Variants in PTPRD observed in about 807,000 individuals in gnomAD.
PTPRD encodes the protein receptor-type tyrosine-protein phosphatase delta.
PTPRD carries 34 observed loss-of-function variants against 214.5 expected under a neutral mutation model. That is an observed-to-expected ratio of 0.16 (90% CI 0.12 to 0.21). The LOEUF (loss-of-function observed/expected upper bound fraction) is 0.21. Among genes scored for constraint, PTPRD ranks in the 10% least tolerant of loss-of-function variants. The pLI, the probability that PTPRD is intolerant of heterozygous loss-of-function variation, is 1.00. For missense variants in PTPRD, 2,545 were observed against 2,398.7 expected (o/e 1.06, Z -1.27); for synonymous variants, 1,128 against 845.7 (o/e 1.33, Z -5.79).
At chr9:9,985,954 G>A (rs1166361555) in intron 4 of PTPRD, among the ~76,000 whole-genome samples, 4 of 151,980 alleles carry the variant, frequency 2.6e-5, no homozygotes, top group Non-Finnish European at 5.9e-5. Flanking sequence ...AATAACTAAA[G>A]AAAATTCATT....
chr9:9,132,108 C>A (rs1045411130), intron 10 of PTPRD, among the ~76,000 whole-genome samples: 1 of 152,014 alleles, frequency 6.6e-6, no homozygotes, highest in Non-Finnish European at 1.5e-5. Flanking sequence ...CCCGGGTTCA[C>A]GCCGTTCTCC....
chr9:9,476,394 T>C (rs561906850), intron 8 of PTPRD, among the ~76,000 whole-genome samples: 15 of 152,228 alleles, frequency 9.9e-5, no homozygotes, highest in Non-Finnish European at 1.8e-4. Context: ...ATAAGGAATA[T>C]ATAAACAAAC....
chr9:9,795,945 T>C (rs2098999616), intron 5 of PTPRD, among the ~76,000 whole-genome samples: 1 of 152,146 alleles, frequency 6.6e-6, no homozygotes, highest in Non-Finnish European at 1.5e-5. Flanking sequence ...GGATTGTTTC[T>C]ATGTGAAGAA....
intron 7 of PTPRD, among the ~76,000 whole-genome samples, chr9:9,720,144 CAA>C (rs756406855): frequency 6.6e-6 from 1 of 152,114 alleles, no homozygotes; most frequent in Non-Finnish European, 1.5e-5. Context: ...TTCCAGCTGG[CAA>C]AGTGACATCC....
At chr9:9,260,253 C>T (rs572814243) in intron 9 of PTPRD, among the ~76,000 whole-genome samples, 2 of 151,826 alleles carry the variant, frequency 1.3e-5, no homozygotes, top group South Asian at 4.1e-4. Flanking sequence ...CAGCTAAAGC[C>T]CTGAACTTGA....
At chr9:9,671,457 G>T (rs2096830999) in intron 7 of PTPRD, among the ~76,000 whole-genome samples, 1 of 152,014 alleles carries the variant, frequency 6.6e-6, no homozygotes. Flanking sequence ...AAGTCTTTGG[G>T]GGACTGTTGG....
At chr9:9,080,492 C>T (rs1255253193) in intron 10 of PTPRD, among the ~76,000 whole-genome samples, 1 of 152,046 alleles carries the variant, frequency 6.6e-6, no homozygotes, top group South Asian at 2.1e-4. Context: ...GATATCCTAT[C>T]ATCTTATTAT....
At chr9:9,542,944 G>C (rs951883476) in intron 8 of PTPRD, among the ~76,000 whole-genome samples, 7 of 151,708 alleles carry the variant, frequency 4.6e-5, no homozygotes, top group African/African-American at 1.7e-4. Flanking sequence ...ACCCTACTCA[G>C]CGTTTTCTAG....
intron 10 of PTPRD, among the ~76,000 whole-genome samples, chr9:9,116,184 C>T (rs1256906052): frequency 6.6e-6 from 1 of 152,002 alleles, no homozygotes; most frequent in Non-Finnish European, 1.5e-5. Context: ...TAACAAACTG[C>T]TCATGTACTC....
intron 4 of PTPRD, among the ~76,000 whole-genome samples, chr9:9,978,104 A>ACACACACACACGCACACACACACG (rs145366920): frequency 6.6e-6 from 1 of 151,102 alleles, no homozygotes. Context: ...ATTAAAACAC[A>ACACACACACACGCACACACACACG]CACACACACA....
intron 3 of PTPRD, among the ~76,000 whole-genome samples, chr9:10,138,818 T>G (rs2098960914): frequency 6.6e-6 from 1 of 152,022 alleles, no homozygotes; most frequent in African/African-American, 2.4e-5. Context: ...CCTCAATAGA[T>G]TCAGAAAAAG....
chr9:9,400,711 A>G (rs1189132963), intron 8 of PTPRD, among the ~76,000 whole-genome samples: 1 of 152,036 alleles, frequency 6.6e-6, no homozygotes, highest in East Asian at 1.9e-4. Flanking sequence ...ACTGTAAACA[A>G]TTTTGGAGCT....
chr9:9,150,831 AC>A (rs2099876149), intron 10 of PTPRD, among the ~76,000 whole-genome samples: 2 of 152,112 alleles, frequency 1.3e-5, no homozygotes, highest in African/African-American at 2.4e-5. Flanking sequence ...ATAAGGTAAA[AC>A]TTTTGGATGC....
intron 3 of PTPRD, among the ~76,000 whole-genome samples, chr9:10,326,764 T>C (rs1213292845): frequency 6.6e-6 from 1 of 151,632 alleles, no homozygotes; most frequent in Non-Finnish European, 1.5e-5. Flanking sequence ...TATATTATAA[T>C]ATTTCTAAAT....
At chr9:9,263,887 C>T (rs965670494) in intron 9 of PTPRD, among the ~76,000 whole-genome samples, 2 of 151,458 alleles carry the variant, frequency 1.3e-5, no homozygotes, top group South Asian at 2.1e-4. Flanking sequence ...ACCCATGTAA[C>T]AAACCTGCAT....
chr9:9,582,912 A>G (rs1426364488), intron 7 of PTPRD, among the ~76,000 whole-genome samples: 1 of 152,080 alleles, frequency 6.6e-6, no homozygotes, highest in African/African-American at 2.4e-5. Flanking sequence ...ACCAAGAAAA[A>G]CCATTAACCT....
Position 8,870,816 on chromosome 9 carries a change from T to C in PTPRD, c.-103-136870A>G, listed in dbSNP as rs145220081. 6.0e-3 allele frequency among the ~76,000 whole-genome samples: 906 copies of C among 151,954 alleles called. 18 individuals are homozygous for C. Among genetic ancestry groups the C allele is most frequent in the African/African-American group, 0.021 (858 of 41,424 alleles). ...GGAAGGGTGGAACCCTCAGATCACC[T>C]GACCTAAATGGCCCCTCTGGCTCTC... On this transcript the variant is annotated intron_variant, in intron 11 of 45. Coordinates refer to ENST00000381196, the MANE Select transcript of PTPRD (RefSeq NM_002839.4).
At chr9:9,032,056 A>G (rs538212114) in intron 10 of PTPRD, among the ~76,000 whole-genome samples, 2 of 151,852 alleles carry the variant, frequency 1.3e-5, no homozygotes, top group African/African-American at 2.4e-5. Context: ...TCCATAAAAA[A>G]TTTCTTAAAA....
chr9:10,564,832 A>G (rs907009116), intron 2 of PTPRD, among the ~76,000 whole-genome samples: 4 of 152,192 alleles, frequency 2.6e-5, no homozygotes, highest in African/African-American at 9.6e-5. Context: ...ATACTTACAC[A>G]GCATTCTTTT....
Sources: allele counts gnomAD v4.1 joint callset (sites outside exome capture counted in the v4.1 genomes callset), GRCh38; gene constraint gnomAD v4.1.1; transcripts MANE v1.5; gene names NCBI Gene and HGNC (gene_info 2026-07-23, HGNC 2026-07-21).